LRFN5: variants seen among roughly 807,000 people sequenced by gnomAD.
LRFN5 encodes leucine rich repeat and fibronectin type III domain containing 5, also known as leucine-rich repeat and fibronectin type-III domain-containing protein 5.
Under a neutral mutation model 45.6 loss-of-function variants are expected in LRFN5, and 24 were observed. The ratio of observed to expected loss-of-function variants is 0.53; its 90% confidence interval spans 0.38 to 0.74. LRFN5 has a LOEUF of 0.74. Ranked by LOEUF, LRFN5 falls within the 30% of genes least tolerant of loss-of-function variation. LRFN5 has a pLI of 0.00. For synonymous variants in LRFN5, 340 were observed against 313.8 expected, an observed-to-expected ratio of 1.08 and a Z score of -0.88; for missense variants, 776 against 861.5, an observed-to-expected ratio of 0.90 and a Z score of 1.24.
chr14:41,787,628 T>A (rs1886773137), intron 2 of LRFN5, among the ~76,000 whole-genome samples: 1 of 152,016 alleles, frequency 6.6e-6, no homozygotes, highest in South Asian at 2.1e-4. Flanking sequence ...CTGAACATGG[T>A]ATTATAAGTT....
intron 2 of LRFN5, among the ~76,000 whole-genome samples, chr14:41,799,648 G>A (rs1373095187): frequency 2.0e-5 from 3 of 151,898 alleles, no homozygotes; most frequent in African/African-American, 7.3e-5. Context: ...GATGGCTTCA[G>A]ACTGGTTTTC....
chr14:41,860,465 T>C (rs961189802), intron 2 of LRFN5, among the ~76,000 whole-genome samples: 1 of 152,162 alleles, frequency 6.6e-6, no homozygotes, highest in Non-Finnish European at 1.5e-5. Flanking sequence ...TATACGTCAG[T>C]TCATCAAAAT....
chr14:41,819,487 C>T (rs1362467973), intron 2 of LRFN5, among the ~76,000 whole-genome samples: 1 of 152,062 alleles, frequency 6.6e-6, no homozygotes, highest in Non-Finnish European at 1.5e-5. Context: ...TTCATTCTTG[C>T]ATTGCTATAA....
chr14:41,686,129 G>A (rs976055323), intron 1 of LRFN5, among the ~76,000 whole-genome samples: 5 of 151,728 alleles, frequency 3.3e-5, no homozygotes, highest in East Asian at 3.9e-4. Flanking sequence ...GTTTGTGTCC[G>A]CTCTTATTTC....
At chr14:41,807,542 G>A (rs1887565825) in intron 2 of LRFN5, among the ~76,000 whole-genome samples, 2 of 152,062 alleles carry the variant, frequency 1.3e-5, no homozygotes, top group South Asian at 4.1e-4. Context: ...CCATGATCTA[G>A]GCACTGAAAT....
chr14:41,850,095 G>A (rs1330526884), intron 2 of LRFN5, among the ~76,000 whole-genome samples: 1 of 151,846 alleles, frequency 6.6e-6, no homozygotes, highest in Non-Finnish European at 1.5e-5. Context: ...TATAGTACAT[G>A]TATGTATAGT....
At chr14:41,872,109 T>A (rs185293527) in intron 2 of LRFN5, among the ~76,000 whole-genome samples, 1 of 152,220 alleles carries the variant, frequency 6.6e-6, no homozygotes, top group Non-Finnish European at 1.5e-5. Context: ...AGATGACAGA[T>A]GTAGGCTAAA....
At chr14:41,754,679 G>C (rs190964205) in intron 1 of LRFN5, among the ~76,000 whole-genome samples, 1 of 152,040 alleles carries the variant, frequency 6.6e-6, no homozygotes, top group Non-Finnish European at 1.5e-5. Context: ...AGTCTTGCTA[G>C]TGGTCTATCA....
chr14:41,635,705 T>A (rs1046845200), intron 1 of LRFN5, among the ~76,000 whole-genome samples: 1 of 152,124 alleles, frequency 6.6e-6, no homozygotes, highest in South Asian at 2.1e-4. Flanking sequence ...GGGAACAGTA[T>A]GAATAAAACA....
chr14:41,688,082 A>G (rs1016336616), intron 1 of LRFN5, among the ~76,000 whole-genome samples: 2 of 152,222 alleles, frequency 1.3e-5, no homozygotes, highest in African/African-American at 2.4e-5. Context: ...CAAACTTTAC[A>G]TTTCTTCACT....
chr14:41,902,483 A>G (rs546266633), intron 5 of LRFN5, among the ~76,000 whole-genome samples: 1 of 152,022 alleles, frequency 6.6e-6, no homozygotes, highest in South Asian at 2.1e-4. Context: ...ATTATTTAAT[A>G]ATTTTAATAT....
chr14:41,720,950 T>C (rs1463572268), intron 1 of LRFN5, among the ~76,000 whole-genome samples: 1 of 152,096 alleles, frequency 6.6e-6, no homozygotes, highest in African/African-American at 2.4e-5. Flanking sequence ...GTTTTCAGCA[T>C]CAATGGTCTA....
intron 1 of LRFN5, among the ~76,000 whole-genome samples, chr14:41,730,153 A>T (rs1193368297): frequency 6.6e-6 from 1 of 152,096 alleles, no homozygotes; most frequent in Non-Finnish European, 1.5e-5. Flanking sequence ...GTTATTTATT[A>T]TCTCATTACA....
At chr14:41,814,375 A>C (rs2138997924) in intron 2 of LRFN5, among the ~76,000 whole-genome samples, 1 of 152,258 alleles carries the variant, frequency 6.6e-6, no homozygotes. Flanking sequence ...ACTGGCAATC[A>C]ATAAATACTA....
In LRFN5 at chr14:41,891,265, G is replaced by T; in HGVS notation, c.1401G>T (p.Thr467=). Residue 467 remains threonine, a synonymous_variant, in exon 4 of 6, where the codon ACG becomes ACT. Coordinates refer to ENST00000298119, the MANE Select transcript of LRFN5 (RefSeq NM_152447.5). ...TGTCCCTCAGAATGATACCTCCTACGAGCAAAACTTTTCTGGTCAATAATC... is the reference window on the plus strand; with the variant it reads ...TGTCCCTCAGAATGATACCTCCTACTAGCAAAACTTTTCTGGTCAATAATC... ...DTLVYRMIPP[T]SKTFLVNNLA... 1 of 1,613,250 alleles carries T rather than the reference G, an allele frequency of 6.2e-7. No homozygotes were observed.
intron 2 of LRFN5, among the ~76,000 whole-genome samples, chr14:41,785,839 T>C (rs887567464): frequency 1.3e-5 from 2 of 152,110 alleles, no homozygotes; most frequent in Non-Finnish European, 2.9e-5. Flanking sequence ...CAGTTCACAG[T>C]GGGGTTCACA....
At chr14:41,780,488 T>A (rs971402743) in intron 2 of LRFN5, among the ~76,000 whole-genome samples, 1 of 152,104 alleles carries the variant, frequency 6.6e-6, no homozygotes, top group Non-Finnish European at 1.5e-5. Context: ...CTGAAATTGA[T>A]ATAGCTACTT....
At chr14:41,681,824 A>ATTTATTTATTTAT (rs1264983313) in intron 1 of LRFN5, among the ~76,000 whole-genome samples, 2 of 70,126 alleles carry the variant, frequency 2.9e-5, no homozygotes, top group African/African-American at 1.4e-4. Context: ...TTATTTATTT[A>ATTTATTTATTTAT]TTTTTTTTTT....
In LRFN5 at chr14:41,889,710, G is replaced by A. The variant is rs138530823; in HGVS notation, c.1386-1540G>A. Among the ~76,000 whole-genome samples the A allele has an allele frequency of 7.2e-5, 11 of 152,228 alleles. No homozygotes were observed. The East Asian group carries it at 2.1e-3, about 29-fold the overall frequency. On this transcript the variant is annotated intron_variant, in intron 3 of 5. Coordinates refer to ENST00000298119, the MANE Select transcript of LRFN5 (RefSeq NM_152447.5). ...ATAATGCCTGTCTCATAAGGTCATT[G>A]TAAAGATTAAATTTTAATGTATACA... is the stretch of plus-strand genomic sequence containing the variant.
Sources: allele counts gnomAD v4.1 joint callset (sites outside exome capture counted in the v4.1 genomes callset), GRCh38; gene constraint gnomAD v4.1.1; transcripts MANE v1.5; gene names NCBI Gene and HGNC (gene_info 2026-07-23, HGNC 2026-07-21).